Variants in KCNIP4 observed in about 807,000 individuals in gnomAD.
KCNIP4 encodes the protein Kv channel-interacting protein 4.
Under a neutral mutation model 34.0 loss-of-function variants are expected in KCNIP4, and 12 were observed. The ratio of observed to expected loss-of-function variants is 0.35; its 90% CI spans 0.23 to 0.57. The LOEUF is 0.57. KCNIP4 is among the 20% of genes least tolerant of loss of function. The pLI is 0.83. For missense variants in KCNIP4, 238 were observed against 311.7 expected (o/e 0.76, Z 1.78); for synonymous variants, 124 against 102.2 (o/e 1.21, Z -1.29).
intron 1 of KCNIP4, among the ~76,000 whole-genome samples, chr4:21,015,107 T>C (rs557918417): frequency 1.2e-4 from 19 of 152,082 alleles, no homozygotes; most frequent in Admixed American, 6.6e-4. Flanking sequence ...GGTAGGATAG[T>C]GGTGATAAGG....
chr4:20,844,563 G>A (rs866288819), intron 3 of KCNIP4, among the ~76,000 whole-genome samples: 2 of 152,142 alleles, frequency 1.3e-5, no homozygotes, highest in Non-Finnish European at 1.5e-5. Flanking sequence ...AACCCTGAGG[G>A]CTTGTGACAA....
At chr4:21,422,643 T>C (rs187715783) in intron 1 of KCNIP4, among the ~76,000 whole-genome samples, 1 of 145,652 alleles carries the variant, frequency 6.9e-6, no homozygotes, top group Non-Finnish European at 1.5e-5. Flanking sequence ...GGGGGAAACA[T>C]CGTTTATGTG....
intron 3 of KCNIP4, chr4:20,767,447 G>T (rs918982035): frequency 6.6e-6 from 1 of 152,192 alleles, no homozygotes; most frequent in Non-Finnish European, 1.5e-5. Flanking sequence ...ATCATGGAAA[G>T]TGTTGGGAAG....
chr4:21,424,882 T>C (rs1725804496), intron 1 of KCNIP4, among the ~76,000 whole-genome samples: 1 of 152,224 alleles, frequency 6.6e-6, no homozygotes, highest in Non-Finnish European at 1.5e-5. Flanking sequence ...AAAAACTGGG[T>C]TGGACAATCC....
chr4:20,941,007 A>T (rs1044193965), intron 1 of KCNIP4, among the ~76,000 whole-genome samples: 1 of 152,202 alleles, frequency 6.6e-6, no homozygotes, highest in Non-Finnish European at 1.5e-5. Context: ...CAAAATGTGA[A>T]TAACAGTGTT....
At chr4:21,926,420 G>A (rs28706804) in intron 1 of KCNIP4, among the ~76,000 whole-genome samples, 5,017 of 152,224 alleles carry the variant, frequency 0.033, 290 homozygotes, top group African/African-American at 0.12. Context: ...AACTTTGCTC[G>A]AGTCTAGTAT....
intron 1 of KCNIP4, among the ~76,000 whole-genome samples, chr4:20,997,262 T>C (rs1215415363): frequency 1.3e-5 from 2 of 151,864 alleles, no homozygotes; most frequent in African/African-American, 4.8e-5. Context: ...AACCAGTGAG[T>C]AGGCTGTTGT....
chr4:21,880,318 A>T (rs1447670320), intron 1 of KCNIP4, among the ~76,000 whole-genome samples: 1 of 152,212 alleles, frequency 6.6e-6, no homozygotes, highest in Non-Finnish European at 1.5e-5. Context: ...TAAGCAAATC[A>T]GCAGAATTAT....
At chr4:20,880,332 G>A (rs1043164084) in intron 2 of KCNIP4, among the ~76,000 whole-genome samples, 30 of 152,112 alleles carry the variant, frequency 2.0e-4, no homozygotes, top group Non-Finnish European at 4.1e-4. Context: ...AACCCTGGAG[G>A]AGAAGGCGAA....
chr4:20,850,751 C>G (rs1034386380), intron 2 of KCNIP4, 84 bp from the exon 3 acceptor site: 1 of 1,488,972 alleles, frequency 6.7e-7, no homozygotes, highest in Non-Finnish European at 9.0e-7. Flanking sequence ...AACGGAAGAA[C>G]ATGTCTGCTA....
intron 1 of KCNIP4, among the ~76,000 whole-genome samples, chr4:21,823,251 T>A (rs564036018): frequency 6.6e-6 from 1 of 152,068 alleles, no homozygotes; most frequent in Non-Finnish European, 1.5e-5. Context: ...AGAAGGCATA[T>A]TATCAATTAA....
At chr4:21,053,466 G>A (rs922023028) in intron 1 of KCNIP4, among the ~76,000 whole-genome samples, 1 of 152,154 alleles carries the variant, frequency 6.6e-6, no homozygotes, top group South Asian at 2.1e-4. Flanking sequence ...AACAAGGAAG[G>A]ATTCCTCTCT....
chr4:20,791,718 G>A (rs1317260412), intron 3 of KCNIP4, among the ~76,000 whole-genome samples: 1 of 152,120 alleles, frequency 6.6e-6, no homozygotes, highest in African/African-American at 2.4e-5. Flanking sequence ...ACTTGGCTGG[G>A]ACATAATATC....
intron 1 of KCNIP4, among the ~76,000 whole-genome samples, chr4:21,108,026 C>A (rs77200066): frequency 0.043 from 6,563 of 150,970 alleles, 219 homozygotes; most frequent in East Asian, 0.14. Flanking sequence ...CTCTGGCTGC[C>A]CTTAACATTT....
At chr4:21,097,002 C>CA (rs1367317370) in intron 1 of KCNIP4, among the ~76,000 whole-genome samples, 1 of 151,962 alleles carries the variant, frequency 6.6e-6, no homozygotes, top group Non-Finnish European at 1.5e-5. Context: ...AATTTAAAAA[C>CA]AAAAAAATTT....
At chr4:20,860,764 G>A (rs972390059) in intron 2 of KCNIP4, among the ~76,000 whole-genome samples, 3 of 152,116 alleles carry the variant, frequency 2.0e-5, no homozygotes, top group African/African-American at 7.2e-5. Context: ...GGATATTGGA[G>A]GAAGATTTCC....
intron 1 of KCNIP4, among the ~76,000 whole-genome samples, chr4:21,894,480 AAAT>A (rs1727270320): frequency 6.6e-6 from 1 of 152,188 alleles, no homozygotes; most frequent in South Asian, 2.1e-4. Flanking sequence ...GGCACTACAA[AAAT>A]AATAGGTACA....
chr4:21,071,358 C>T (rs1744900741), intron 1 of KCNIP4, among the ~76,000 whole-genome samples: 1 of 152,166 alleles, frequency 6.6e-6, no homozygotes, highest in African/African-American at 2.4e-5. Flanking sequence ...TATTATTCCT[C>T]CATTAAGTTG....
chr4:21,544,233 TTC>T (rs1193017456), intron 1 of KCNIP4, among the ~76,000 whole-genome samples: 1 of 146,132 alleles, frequency 6.8e-6, no homozygotes, highest in Non-Finnish European at 1.5e-5. Context: ...CTATGAGAAA[TTC>T]TCTCTCTGTC....
Sources: gnomAD v4.1 joint callset for allele counts (sites outside exome capture counted in the v4.1 genomes callset) on GRCh38, gnomAD v4.1.1 for gene constraint, MANE v1.5 for transcripts, NCBI Gene and HGNC (gene_info 2026-07-23, HGNC 2026-07-21) for gene names.